The following SLC16A2 variants were observed in gnomAD, a reference collection of about 807,000 sequenced individuals.
SLC16A2 encodes solute carrier family 16 member 2.
In SLC16A2, 3 loss-of-function variants were observed where a neutral mutation model predicts 27.2. That is an observed-to-expected ratio of 0.11 (90% CI 0.05 to 0.28). The LOEUF (loss-of-function observed/expected upper bound fraction) is 0.28. Ranked by LOEUF, SLC16A2 falls within the 10% of genes least tolerant of loss-of-function variation. SLC16A2 has a pLI of 1.00. For missense variants in SLC16A2, 295 were observed against 458.5 expected (o/e 0.64, Z 3.26); for synonymous variants, 202 against 187.8 (o/e 1.08, Z -0.62).
chrX:74,421,788 C>A lies in SLC16A2; in HGVS notation c.151C>A (p.Pro51Thr). The A allele has an allele frequency of 8.7e-7, 1 of 1,149,087 alleles. No homozygotes were observed. Among genetic ancestry groups the A allele is most frequent in the Non-Finnish European group, 1.2e-6 (1 of 858,558 alleles). 94.7% of individuals were successfully genotyped at this position (1,149,087 alleles called of 1,213,427 possible). A position where few individuals can be genotyped will look rare whatever the true frequency, so the allele number is the denominator to read the frequency against. Residue 51 changes from proline (P) to threonine (T), a missense_variant, in exon 1 of 6, where the codon CCC becomes ACC. Around this residue, in one of 3 missense-constraint regions of SLC16A2, gnomAD observed 92 missense variants for 85.1 expected, o/e 1.08. Coordinates refer to ENST00000587091, the MANE Select transcript of SLC16A2 (RefSeq NM_006517.5). ...GCCCGTGCCAGTGCCCCCGCCCGAGCCCCAGCCGGAGCCCCAGCCCCTACC... is the reference window on the plus strand; with the variant it reads ...GCCCGTGCCAGTGCCCCCGCCCGAGACCCAGCCGGAGCCCCAGCCCCTACC... Reference protein sequence around the residue: ...PEPVPVPPPEPQPEPQPLPDP... With the variant: ...PEPVPVPPPETQPEPQPLPDP...
At chrX:74,474,002 A>G (rs1303690793) in intron 1 of SLC16A2, 5 of 219,437 alleles carry the variant, frequency 2.3e-5, no homozygotes, top group Non-Finnish European at 3.4e-5. Context: ...AGCAGTGTCC[A>G]TGGGCAGAAA....
intron 5 of SLC16A2, among the ~76,000 whole-genome samples, chrX:74,530,922 A>G (rs1257486162): frequency 3.6e-5 from 4 of 111,405 alleles, no homozygotes; most frequent in Non-Finnish European, 3.8e-5. Context: ...AGAGAAAAGG[A>G]AAATAAAAAC....
At position 74,515,447 on chromosome X, in the gene SLC16A2, G is replaced by A. The variant is rs767603800; in HGVS notation, c.431-5543G>A. ...ATTTAACATTTCTGTCATCAGAGGA[G>A]TCCCAGAAGAGGAAAAAGGCAGGGC... On this transcript the variant is annotated intron_variant, in intron 1 of 5. Transcript: ENST00000587091. Among the ~76,000 whole-genome samples, 4 of 111,367 alleles carry A rather than the reference G, an allele frequency of 3.6e-5. No homozygotes were observed. The South Asian group carries it at 1.6e-3, about 43-fold the overall frequency.
intron 1 of SLC16A2, among the ~76,000 whole-genome samples, chrX:74,470,404 C>G (rs1213049831): frequency 8.9e-6 from 1 of 111,866 alleles, no homozygotes; most frequent in Non-Finnish European, 1.9e-5. Flanking sequence ...CCAGACTGTC[C>G]TCCAAAGTGG....
intron 3 of SLC16A2, among the ~76,000 whole-genome samples, chrX:74,525,159 T>A (rs1255569311): frequency 8.9e-6 from 1 of 111,783 alleles, no homozygotes; most frequent in African/African-American, 3.3e-5. Flanking sequence ...TGTGGTCAAA[T>A]GATTTTGTTT....
intron 1 of SLC16A2, among the ~76,000 whole-genome samples, chrX:74,433,026 CAT>C (rs1198826675): frequency 3.6e-5 from 4 of 111,681 alleles, no homozygotes; most frequent in South Asian, 3.7e-4. Flanking sequence ...TGTGTGTGCA[CAT>C]GTGTGTGTGT....
At chrX:74,523,568 A>AG (rs1351314904) in intron 2 of SLC16A2, among the ~76,000 whole-genome samples, 1 of 111,889 alleles carries the variant, frequency 8.9e-6, no homozygotes, top group African/African-American at 3.2e-5. Context: ...TGTCCACAGC[A>AG]GGGCCTATGA....
chrX:74,422,810 C>A (rs1191507003), intron 1 of SLC16A2, among the ~76,000 whole-genome samples: 3 of 112,661 alleles, frequency 2.7e-5, no homozygotes, highest in African/African-American at 9.7e-5. Flanking sequence ...CAGTCTCCTG[C>A]CAGAGAGGCG....
chrX:74,512,476 T>C (rs1930249174), intron 1 of SLC16A2, among the ~76,000 whole-genome samples: 1 of 112,454 alleles, frequency 8.9e-6, no homozygotes. Flanking sequence ...TCTTCCTATC[T>C]ACCCTTGACC....
At chrX:74,466,874 T>C (rs1056564310) in intron 1 of SLC16A2, among the ~76,000 whole-genome samples, 3 of 112,813 alleles carry the variant, frequency 2.7e-5, no homozygotes, top group Non-Finnish European at 5.6e-5. Context: ...TATTTAGTGA[T>C]GTGGCCCTAG....
chrX:74,447,195 G>A (rs1405829965), intron 1 of SLC16A2, among the ~76,000 whole-genome samples: 3 of 112,003 alleles, frequency 2.7e-5, no homozygotes, highest in Non-Finnish European at 5.6e-5. Context: ...TCCTAAATAA[G>A]GTTATTAAGT....
At chrX:74,469,964 C>T (rs1177309317) in intron 1 of SLC16A2, among the ~76,000 whole-genome samples, 2 of 111,819 alleles carry the variant, frequency 1.8e-5, no homozygotes, top group African/African-American at 3.2e-5. Flanking sequence ...TAAAAATTCC[C>T]TGTGCTTTAC....
At chrX:74,424,065 C>T (rs1928360962) in intron 1 of SLC16A2, among the ~76,000 whole-genome samples, 1 of 86,554 alleles carries the variant, frequency 1.2e-5, no homozygotes, top group Non-Finnish European at 2.1e-5. Flanking sequence ...TGGGACTTTC[C>T]GGTCAAGACC....
At chrX:74,521,847 C>G (rs989668225) in intron 2 of SLC16A2, among the ~76,000 whole-genome samples, 1 of 112,275 alleles carries the variant, frequency 8.9e-6, no homozygotes, top group African/African-American at 3.2e-5. Context: ...CTGGGCTAAA[C>G]TGAAACCCTA....
chrX:74,471,115 T>C (rs1194494426), intron 1 of SLC16A2, among the ~76,000 whole-genome samples: 1 of 112,480 alleles, frequency 8.9e-6, no homozygotes, highest in African/African-American at 3.2e-5. Flanking sequence ...AAGTCCAGTT[T>C]ACAAATTATA....
chrX:74,500,793 C>T (rs1395761553), intron 1 of SLC16A2, among the ~76,000 whole-genome samples: 1 of 111,157 alleles, frequency 9.0e-6, no homozygotes, highest in Non-Finnish European at 1.9e-5. Context: ...AGGTCATTTG[C>T]ACAAAATTCT....
chrX:74,469,996 T>G (rs1200195906), intron 1 of SLC16A2, among the ~76,000 whole-genome samples: 1 of 111,980 alleles, frequency 8.9e-6, no homozygotes, highest in African/African-American at 3.2e-5. Context: ...ACCATCCCCC[T>G]GGCAACCACT....
intron 1 of SLC16A2, among the ~76,000 whole-genome samples, chrX:74,459,510 C>T (rs1406745500): frequency 9.2e-6 from 1 of 109,265 alleles, no homozygotes; most frequent in Non-Finnish European, 1.9e-5. Flanking sequence ...GGCTCTGCCA[C>T]TTAGAACTGT....
intron 4 of SLC16A2, among the ~76,000 whole-genome samples, chrX:74,527,209 T>C (rs928809928): frequency 1.8e-5 from 2 of 112,486 alleles, no homozygotes; most frequent in African/African-American, 6.5e-5. Flanking sequence ...CCACTGCTCC[T>C]GCCCCTTTTC....
Sources: allele counts gnomAD v4.1 joint callset (sites outside exome capture counted in the v4.1 genomes callset), GRCh38; gene constraint gnomAD v4.1.1; regional missense constraint gnomAD v4.1.1; transcripts MANE v1.5; gene names NCBI Gene and HGNC (gene_info 2026-07-23, HGNC 2026-07-21).